The following SND1 variants were observed in gnomAD, a reference collection of about 807,000 sequenced individuals.
The protein encoded by SND1 is staphylococcal nuclease and tudor domain containing 1, also known as staphylococcal nuclease domain-containing protein 1.
In SND1, 38 loss-of-function variants were observed where a neutral mutation model predicts 121.7. That is an observed-to-expected ratio of 0.31 (90% CI 0.24 to 0.41). The LOEUF is 0.41. Ranked by LOEUF, SND1 falls within the 10% of genes least tolerant of loss-of-function variation. The probability of loss-of-function intolerance (pLI) is 1.00; values close to 1 mark genes in which losing one functional copy is unlikely to be tolerated. For synonymous variants in SND1, 401 were observed against 447.4 expected, an observed-to-expected ratio of 0.90 and a Z score of 1.31; for missense variants, 868 against 1,184.6, an observed-to-expected ratio of 0.73 and a Z score of 3.92.
chr7:127,704,358 G>C (rs1796154183), intron 7 of SND1, among the ~76,000 whole-genome samples: 1 of 152,206 alleles, frequency 6.6e-6, no homozygotes, highest in Non-Finnish European at 1.5e-5. Flanking sequence ...CTGCCAGATG[G>C]CTCTGTGTTA....
At chr7:127,680,295 A>G (rs544779075) in intron 1 of SND1, among the ~76,000 whole-genome samples, 237 of 152,308 alleles carry the variant, frequency 1.6e-3, no homozygotes, top group Non-Finnish European at 2.7e-3. Context: ...ATGAAGTTTC[A>G]GGCACCATTG....
At chr7:127,677,561 T>G (rs537704745) in intron 1 of SND1, among the ~76,000 whole-genome samples, 1 of 152,358 alleles carries the variant, frequency 6.6e-6, no homozygotes, top group Admixed American at 6.5e-5. Flanking sequence ...GTTGGCAAAC[T>G]TACTCTGTAA....
chr7:128,032,774 G>A (rs1428836567), intron 16 of SND1, among the ~76,000 whole-genome samples: 1 of 152,182 alleles, frequency 6.6e-6, no homozygotes, highest in Non-Finnish European at 1.5e-5. Flanking sequence ...GGGCTTCGCT[G>A]CTGCACTGCC....
intron 10 of SND1, among the ~76,000 whole-genome samples, chr7:127,791,699 G>A (rs1256724727): frequency 6.6e-6 from 1 of 152,134 alleles, no homozygotes; most frequent in African/African-American, 2.4e-5. Context: ...GAAGTTCCTA[G>A]ACTTCATTCA....
intron 10 of SND1, among the ~76,000 whole-genome samples, chr7:127,744,626 A>T (rs1796945538): frequency 6.6e-6 from 1 of 152,180 alleles, no homozygotes; most frequent in Non-Finnish European, 1.5e-5. Flanking sequence ...CAAAGGAATC[A>T]CCTATGTATG....
At chr7:127,665,487 G>A (rs905170897) in intron 1 of SND1, among the ~76,000 whole-genome samples, 2 of 152,000 alleles carry the variant, frequency 1.3e-5, no homozygotes, top group South Asian at 2.1e-4. Flanking sequence ...GCGCCCGGCC[G>A]ACAGTCAACA....
At chr7:128,070,860 A>T (rs1217677194) in intron 16 of SND1, among the ~76,000 whole-genome samples, 1 of 152,162 alleles carries the variant, frequency 6.6e-6, no homozygotes, top group East Asian at 1.9e-4. Context: ...ATCAATACTC[A>T]TGGTACTTTT....
At chr7:127,758,849 A>G (rs958759445) in intron 10 of SND1, among the ~76,000 whole-genome samples, 11 of 152,014 alleles carry the variant, frequency 7.2e-5, no homozygotes, top group Non-Finnish European at 1.3e-4. Flanking sequence ...AAGCCCAGAA[A>G]TTTGAGACCA....
At chr7:127,729,668 A>G (rs1796640405) in intron 10 of SND1, among the ~76,000 whole-genome samples, 1 of 152,162 alleles carries the variant, frequency 6.6e-6, no homozygotes, top group Admixed American at 6.5e-5. Flanking sequence ...TAAGGTGTTT[A>G]TAATTTTAGG....
chr7:127,685,367 G>A (rs949626313), intron 1 of SND1, among the ~76,000 whole-genome samples: 2 of 152,092 alleles, frequency 1.3e-5, no homozygotes, highest in African/African-American at 4.8e-5. Flanking sequence ...ACAGTGTTCT[G>A]TGTTGACAGA....
intron 16 of SND1, among the ~76,000 whole-genome samples, chr7:128,073,610 G>C (rs1282813446): frequency 1.3e-5 from 2 of 152,172 alleles, no homozygotes; most frequent in Admixed American, 1.3e-4. Flanking sequence ...GCTTAATCGA[G>C]CTTGAAGGCA....
chr7:127,759,319 A>G (rs1430370459), intron 10 of SND1, among the ~76,000 whole-genome samples: 1 of 152,174 alleles, frequency 6.6e-6, no homozygotes, highest in Non-Finnish European at 1.5e-5. Flanking sequence ...TTTTATCAAT[A>G]TGGACTCTTG....
chr7:127,939,101 A>G (rs1054724412), intron 15 of SND1, among the ~76,000 whole-genome samples: 1 of 152,240 alleles, frequency 6.6e-6, no homozygotes, highest in Non-Finnish European at 1.5e-5. Flanking sequence ...AAGAGTAAAT[A>G]TGTAACTGCT....
chr7:127,737,765 T>C (rs985462916), intron 10 of SND1, among the ~76,000 whole-genome samples: 1 of 152,148 alleles, frequency 6.6e-6, no homozygotes, highest in Non-Finnish European at 1.5e-5. Context: ...TTCCCATGAG[T>C]ATTTCTTTTG....
intron 10 of SND1, among the ~76,000 whole-genome samples, chr7:127,752,289 T>C (rs929613624): frequency 3.3e-5 from 5 of 152,202 alleles, no homozygotes; most frequent in Non-Finnish European, 7.3e-5. Flanking sequence ...GGGGTGGGTG[T>C]GTTGGTAAAC....
At chr7:127,868,319 A>AG in intron 12 of SND1, among the ~76,000 whole-genome samples, 1 of 152,312 alleles carries the variant, frequency 6.6e-6, no homozygotes, top group South Asian at 2.1e-4. Context: ...AAGGAGGTGG[A>AG]GGTTGCAGGT....
Position 127,707,425 on chromosome 7 carries a change from G to A in SND1, c.948-132G>A. The stretch of plus-strand genomic sequence containing the variant: ...TCATTTACTCTCGCTCTTTGTTCTG[G>A]TTTGACTGGTAGTCTTTCTTCTGGA... On this transcript the variant is annotated intron_variant, in intron 8 of 23. Transcript: ENST00000354725. The A allele has an allele frequency of 9.6e-6, 6 of 623,972 alleles. No individual in the cohort carries two copies. In the South Asian group the frequency reaches 1.3e-4, roughly 14 times the overall value. The allele number at this position is 623,972 out of a possible 1,614,324, so 38.7% of individuals were successfully genotyped here. A position where few individuals can be genotyped will look rare whatever the true frequency, so the allele number is the denominator to read the frequency against.
chr7:127,978,600 C>T (rs536694869), intron 15 of SND1, among the ~76,000 whole-genome samples: 1 of 152,312 alleles, frequency 6.6e-6, no homozygotes, highest in South Asian at 2.1e-4. Context: ...GGGCACATAC[C>T]TGTGGTTAAT....
chr7:127,919,950 C>A (rs993436267), intron 14 of SND1, among the ~76,000 whole-genome samples: 2 of 152,152 alleles, frequency 1.3e-5, no homozygotes, highest in Non-Finnish European at 2.9e-5. Flanking sequence ...GTGTTAAACT[C>A]TCCTATAAAC....
Sources: allele counts gnomAD v4.1 joint callset (sites outside exome capture counted in the v4.1 genomes callset), GRCh38; gene constraint gnomAD v4.1.1; transcripts MANE v1.5; gene names NCBI Gene and HGNC (gene_info 2026-07-23, HGNC 2026-07-21).